Variants in SORCS2 observed in about 807,000 individuals in gnomAD.
SORCS2 encodes VPS10 domain-containing receptor SorCS2.
Under a neutral mutation model 141.6 loss-of-function variants are expected in SORCS2, and 100 were observed. The ratio of observed to expected loss-of-function variants is 0.71; its 90% CI spans 0.60 to 0.83. The LOEUF (loss-of-function observed/expected upper bound fraction) is 0.83. SORCS2 is among the 40% of genes least tolerant of loss of function. The pLI is 0.00. For synonymous variants in SORCS2, 789 were observed against 676.9 expected (o/e 1.17, Z -2.57); for missense variants, 1,646 against 1,560.2 (o/e 1.05, Z -0.93).
intron 3 of SORCS2, among the ~76,000 whole-genome samples, chr4:7,595,021 T>C (rs1409784775): frequency 2.6e-5 from 4 of 152,148 alleles, no homozygotes; most frequent in African/African-American, 9.7e-5. Flanking sequence ...CTTGACTTAC[T>C]ATCAGATCCA....
At chr4:7,295,313 C>T (rs1034792536) in intron 1 of SORCS2, among the ~76,000 whole-genome samples, 19 of 150,300 alleles carry the variant, frequency 1.3e-4, no homozygotes, top group Admixed American at 3.3e-4. Flanking sequence ...AGAAACATGG[C>T]GCAGGCCTGA....
intron 1 of SORCS2, among the ~76,000 whole-genome samples, chr4:7,238,617 T>C (rs56035813): frequency 0.3 from 46,011 of 152,100 alleles, 7,421 homozygotes; most frequent in East Asian, 0.48. Flanking sequence ...TCAGTGGGGA[T>C]GGTGGAAGCC....
At chr4:7,248,798 T>C (rs1713297026) in intron 1 of SORCS2, among the ~76,000 whole-genome samples, 1 of 152,226 alleles carries the variant, frequency 6.6e-6, no homozygotes, top group Admixed American at 6.5e-5. Flanking sequence ...TTCCAGAGAT[T>C]GGAGAATTCC....
intron 18 of SORCS2, among the ~76,000 whole-genome samples, chr4:7,720,070 C>T (rs183482051): frequency 1.7e-3 from 258 of 152,264 alleles, no homozygotes; most frequent in East Asian, 0.015. Context: ...CAGACACACA[C>T]ATGCTTACAC....
chr4:7,296,658 TG>T (rs1297674809), intron 1 of SORCS2, among the ~76,000 whole-genome samples: 1 of 152,194 alleles, frequency 6.6e-6, no homozygotes, highest in Non-Finnish European at 1.5e-5. Context: ...CTCCATCATT[TG>T]GGAATCGGAG....
intron 2 of SORCS2, among the ~76,000 whole-genome samples, chr4:7,505,821 C>T (rs979571323): frequency 3.3e-5 from 5 of 152,276 alleles, no homozygotes; most frequent in South Asian, 2.1e-4. Flanking sequence ...TCCCGTAGGA[C>T]GAATGGGGAT....
Position 7,328,018 on chromosome 4 carries a change from CTTTTTTTT to C in SORCS2, c.481-68252_481-68245del, listed in dbSNP as rs60976971. 2.2e-3 allele frequency among the ~76,000 whole-genome samples: 193 copies of C among 88,746 alleles called. 2 individuals carry two copies. Among genetic ancestry groups the C allele is most frequent in the Non-Finnish European group, 3.7e-3 (163 of 44,442 alleles). The allele number at this position is 88,746 out of a possible 152,430, so 58.2% of individuals were successfully genotyped here. A position where few individuals can be genotyped will look rare whatever the true frequency, so the allele number is the denominator to read the frequency against. On this transcript the variant is annotated intron_variant, in intron 1 of 26. Coordinates refer to ENST00000507866, the MANE Select transcript of SORCS2 (RefSeq NM_020777.3). ...ACTGTGTGCTGAGCCTCGTGCTAGG[CTTTTTTTT>C]TTTTTTTTTTTTTTTTTGAGACCAA...
intron 3 of SORCS2, among the ~76,000 whole-genome samples, chr4:7,593,238 G>C (rs1717034437): frequency 2.0e-5 from 3 of 152,166 alleles, no homozygotes; most frequent in African/African-American, 4.8e-5. Context: ...GGAGCCTCGG[G>C]AGTCCCAGGG....
intron 1 of SORCS2, among the ~76,000 whole-genome samples, chr4:7,348,739 G>A (rs1023750716): frequency 2.6e-5 from 4 of 152,176 alleles, no homozygotes; most frequent in Non-Finnish European, 5.9e-5. Context: ...TTTTGGTAGA[G>A]ATGGGGTTTC....
At chr4:7,632,403 A>G (rs1049750467) in intron 3 of SORCS2, among the ~76,000 whole-genome samples, 2 of 152,186 alleles carry the variant, frequency 1.3e-5, no homozygotes, top group African/African-American at 4.8e-5. Context: ...AATTTGGAGG[A>G]ACCACTGCCA....
chr4:7,659,052 A>G (rs1721982198), intron 5 of SORCS2, among the ~76,000 whole-genome samples: 1 of 152,206 alleles, frequency 6.6e-6, no homozygotes, highest in Non-Finnish European at 1.5e-5. Flanking sequence ...CAGTCATATT[A>G]GTTGGAATGT....
At chr4:7,322,454 C>T (rs1275606056) in intron 1 of SORCS2, among the ~76,000 whole-genome samples, 4 of 152,212 alleles carry the variant, frequency 2.6e-5, no homozygotes, top group South Asian at 2.1e-4. Flanking sequence ...AGGTGTACCG[C>T]GTCCCGCTGC....
intron 21 of SORCS2, 139 bp downstream of exon 21, chr4:7,727,042 A>G (rs1727270557): frequency 1.1e-5 from 13 of 1,139,792 alleles, no homozygotes; most frequent in Non-Finnish European, 1.6e-5. Flanking sequence ...GGGGCTGGAT[A>G]AACAGAGCCC....
intron 3 of SORCS2, among the ~76,000 whole-genome samples, chr4:7,614,921 A>G (rs1202712049): frequency 6.6e-6 from 1 of 151,872 alleles, no homozygotes; most frequent in Non-Finnish European, 1.5e-5. Context: ...CCATCCACCT[A>G]TTAATCCACC....
chr4:7,488,646 C>A (rs2109393929), intron 2 of SORCS2, among the ~76,000 whole-genome samples: 1 of 152,330 alleles, frequency 6.6e-6, no homozygotes, highest in Non-Finnish European at 1.5e-5. Flanking sequence ...ATCTCATTGA[C>A]AGATGTGGAA....
intron 1 of SORCS2, among the ~76,000 whole-genome samples, chr4:7,379,681 C>G (rs1047682702): frequency 1.3e-5 from 2 of 152,126 alleles, no homozygotes; most frequent in Non-Finnish European, 2.9e-5. Context: ...GAAGGAGAAC[C>G]TTCCAGACCC....
intron 4 of SORCS2, among the ~76,000 whole-genome samples, chr4:7,645,502 GGTGT>G (rs897311069): frequency 6.9e-6 from 1 of 145,636 alleles, no homozygotes; most frequent in South Asian, 2.1e-4. Flanking sequence ...AGTGTGTGTG[GGTGT>G]GTGAGTGTGA....
intron 2 of SORCS2, among the ~76,000 whole-genome samples, chr4:7,448,733 CCG>C (rs1728181185): frequency 1.1e-5 from 1 of 88,312 alleles, no homozygotes; most frequent in Non-Finnish European, 2.3e-5. Context: ...TCCCTCCCTT[CCG>C]TACTTCCTCT....
chr4:7,485,366 T>C (rs1807395), intron 2 of SORCS2, among the ~76,000 whole-genome samples: 44,283 of 152,062 alleles, frequency 0.29, 8,588 homozygotes, highest in African/African-American at 0.56. Flanking sequence ...GGCCCCGGAG[T>C]TGCCTCCACA....
Sources: gnomAD v4.1 joint callset for allele counts (sites outside exome capture counted in the v4.1 genomes callset) on GRCh38, gnomAD v4.1.1 for gene constraint, MANE v1.5 for transcripts, NCBI Gene and HGNC (gene_info 2026-07-23, HGNC 2026-07-21) for gene names.